TTF2: variants seen among roughly 807,000 people sequenced by gnomAD.
The protein encoded by TTF2 is transcription termination factor 2, also known as RNA polymerase II termination factor.
A neutral mutation model predicts 142.4 loss-of-function variants in TTF2; 108 were observed. The ratio of observed to expected loss-of-function variants is 0.76; its 90% CI spans 0.65 to 0.89. TTF2 has a LOEUF of 0.89. TTF2 is among the 40% of genes least tolerant of loss of function. The pLI is 0.00. For synonymous variants in TTF2, 483 were observed against 506.2 expected, an observed-to-expected ratio of 0.95 and a Z score of 0.61; for missense variants, 1,327 against 1,379.8, an observed-to-expected ratio of 0.96 and a Z score of 0.61.
chr1:117,083,669 T>C (rs76598378), intron 10 of TTF2, among the ~76,000 whole-genome samples: 2 of 152,320 alleles, frequency 1.3e-5, no homozygotes, highest in East Asian at 3.9e-4. Context: ...CCTGTACTTT[T>C]AGTGGAGAAA....
rs1246459752 is a variant in TTF2 at position 117,063,426 on chromosome 1, A to G, written c.218+953A>G. On this transcript the variant is annotated intron_variant, in intron 3 of 22. Transcript: ENST00000369466. The surrounding 1 kb of genome is among the most constrained non-coding windows in gnomAD (Gnocchi z 4.1). ...CCCATCTCCACCCCTGTCAGCAATC[A>G]CTGTTCTGATTTTTATCTCTTTAGA... Among the ~76,000 whole-genome samples the G allele has an allele frequency of 6.6e-6, 1 of 152,038 alleles. No homozygotes were observed. The highest frequency in any genetic ancestry group is 1.9e-4 in the East Asian group (1 of 5,192).
rs1656900645 is a variant in TTF2, at chr1:117,075,305, A to C, written c.721A>C (p.Ser241Arg). Reference protein sequence around the residue: ...RPSASSQEKSSGKSQDVQRES... With the variant: ...RPSASSQEKSRGKSQDVQRES... ...ATCTGCATCTTCTCAGGAGAAATCA[A>C]GTGGTAAGAGTCAAGATGTCCAAAG... The change falls in exon 5 of 23, where the codon AGT becomes CGT. Residue 241 changes from serine (S) to arginine (R), a missense_variant. Physicochemically the swap from Ser to Arg is moderately radical, Grantham distance 110. Coordinates refer to ENST00000369466, the MANE Select transcript of TTF2 (RefSeq NM_003594.4). The surrounding 1 kb of genome is among the most constrained non-coding windows in gnomAD (Gnocchi z 4.5). 1 of 1,614,224 alleles carries C rather than the reference A, an allele frequency of 6.2e-7. No individual in the cohort carries two copies. Among genetic ancestry groups the C allele is most frequent in the Non-Finnish European group, 8.5e-7 (1 of 1,180,032 alleles).
At chr1:117,069,726 A>G (rs115851124) in intron 3 of TTF2, among the ~76,000 whole-genome samples, 2 of 152,364 alleles carry the variant, frequency 1.3e-5, no homozygotes, top group Admixed American at 6.5e-5. Context: ...CCAAGGGAGA[A>G]TAGTTCTGGA....
At position 117,073,085 on chromosome 1, in the gene TTF2, C is replaced by T. The variant is rs1381858879; in HGVS notation, c.219-576C>T. Among the ~76,000 whole-genome samples, 1 of 152,070 alleles carries T rather than the reference C, an allele frequency of 6.6e-6. No individual in the cohort carries two copies. The highest frequency in any genetic ancestry group is 1.5e-5 in the Non-Finnish European group (1 of 67,972). On this transcript the variant is annotated intron_variant, in intron 3 of 22. Coordinates refer to ENST00000369466, the MANE Select transcript of TTF2 (RefSeq NM_003594.4). The surrounding 1 kb of genome is among the most constrained non-coding windows in gnomAD (Gnocchi z 4.4). Reference sequence around the variant, plus strand: ...TGAAGTTTTCCCTTCATCTTTTTTTCTCCCTCGTAACTTATTTGTGGAAGG... The same window carrying T: ...TGAAGTTTTCCCTTCATCTTTTTTTTTCCCTCGTAACTTATTTGTGGAAGG...
chr1:117,078,486 T>C (rs1381670881), intron 8 of TTF2, among the ~76,000 whole-genome samples: 1 of 152,240 alleles, frequency 6.6e-6, no homozygotes, highest in Non-Finnish European at 1.5e-5. Context: ...TCTGCCTACT[T>C]TGTGCCTTAA....
Position 117,099,037 on chromosome 1 carries a change from ATACCT to A in TTF2, c.3344+132_3344+136del. ...ACTTTACTGATGATGCCCCTGAGGC[ATACCT>A]TCAGGCAAACCACAGTCAGGAGAAA... On this transcript the variant is annotated intron_variant, in intron 22 of 22. Coordinates refer to ENST00000369466, the MANE Select transcript of TTF2 (RefSeq NM_003594.4). The surrounding 1 kb of genome is among the most constrained non-coding windows in gnomAD (Gnocchi z 4.3). The A allele has an allele frequency of 3.7e-6, 3 of 812,738 alleles. No homozygotes were observed. Among genetic ancestry groups the A allele is most frequent in the Non-Finnish European group, 5.4e-6 (3 of 550,618 alleles). 50.3% of individuals were successfully genotyped at this position (812,738 alleles called of 1,614,324 possible). A position where few individuals can be genotyped will look rare whatever the true frequency, so the allele number is the denominator to read the frequency against.
intron 17 of TTF2, 44 bp downstream of exon 17, chr1:117,091,994 G>T (rs1406708356): frequency 6.5e-7 from 1 of 1,545,850 alleles, no homozygotes; most frequent in South Asian, 1.2e-5. Flanking sequence ...GCTCCAGAGG[G>T]GCCACCTGAG....
chr1:117,094,549 A>G, intron 18 of TTF2: 1 of 466,824 alleles, frequency 2.1e-6, no homozygotes, highest in Non-Finnish European at 4.4e-6. Context: ...GGAAGCTTTA[A>G]CAATGGTTCC....
chr1:117,082,359 T>C (rs185182053), intron 10 of TTF2, among the ~76,000 whole-genome samples: 2 of 152,196 alleles, frequency 1.3e-5, no homozygotes, highest in African/African-American at 4.8e-5. Context: ...ACCACAAGTT[T>C]GCACCACCAC....
Position 117,076,643 on chromosome 1 carries a change from A to G in TTF2, c.1393A>G (p.Thr465Ala). The change falls in exon 7 of 23, where the codon ACT becomes GCT. Residue 465 changes from threonine to alanine, a missense_variant and splice_region_variant. Thr to Ala is a moderately conservative substitution (Grantham distance 58). Transcript: ENST00000369466. This position sits in a 1 kb window ranked among gnomAD's most constrained non-coding sequence, Gnocchi z 4.6. ...CTCTTCCCTTGTTTTCTGAGCAGGA[A>G]CTAATGAGAAGAGTAACAGTCAAGT... ...SGLTLSPEQG[T>A]NEKSNSQVPQ... 1 of 1,608,042 alleles carries G rather than the reference A, an allele frequency of 6.2e-7. No individual in the cohort carries two copies.
intron 10 of TTF2, 155 bp downstream of exon 10, chr1:117,082,102 A>ATATCATATCAT (rs763471493): frequency 1.2e-5 from 13 of 1,091,128 alleles, no homozygotes; most frequent in Non-Finnish European, 1.6e-5. Flanking sequence ...ATCATTTCTG[A>ATATCATATCAT]TGCTGAGTAT....
At position 117,075,629 on chromosome 1, in the gene TTF2, A is replaced by G. The variant is rs1270106442; in HGVS notation, c.1045A>G (p.Thr349Ala). The change falls in exon 5 of 23, where the codon ACA becomes GCA. Residue 349 changes from threonine to alanine, a missense_variant. Thr to Ala is a moderately conservative substitution (Grantham distance 58). Coordinates refer to ENST00000369466, the MANE Select transcript of TTF2 (RefSeq NM_003594.4). This position sits in a 1 kb window ranked among gnomAD's most constrained non-coding sequence, Gnocchi z 4.5. ...CCTGGGTGAGGGCCGTGAAGCTGCC[A>G]CAAGCAGTGACGACGAGGAGGAAGA... ...LSLGEGREAATSSDDEEEDDV... is the reference protein window; with the variant it reads ...LSLGEGREAAASSDDEEEDDV... 2.5e-6 allele frequency: 4 copies of G among 1,614,186 alleles called. No homozygotes were observed. The East Asian group carries it at 8.9e-5, about 36-fold the overall frequency.
chr1:117,061,323 G>A (rs1655672061), intron 2 of TTF2, among the ~76,000 whole-genome samples: 1 of 152,202 alleles, frequency 6.6e-6, no homozygotes, highest in South Asian at 2.1e-4. Context: ...GAAATGTTAA[G>A]CATCTTCTCT....
rs1657158420 is a variant in TTF2 at position 117,078,029 on chromosome 1, C to A, written c.1687C>A (p.Pro563Thr). Residue 563 changes from proline (P) to threonine (T), a missense_variant, in exon 8 of 23, where the codon CCC becomes ACC. Physicochemically the swap from Pro to Thr is conservative, Grantham distance 38. Coordinates refer to ENST00000369466, the MANE Select transcript of TTF2 (RefSeq NM_003594.4). Reference protein sequence around the residue: ...CPGETVVAEDPAGLKVPLLLH... With the variant: ...CPGETVVAEDTAGLKVPLLLH... The stretch of plus-strand genomic sequence containing the variant: ...TGGTGAGACGGTTGTGGCAGAAGAT[C>A]CCGCCGGGCTGAAGGTGAGCCAGGG... 2 of 1,613,786 alleles carry A rather than the reference C, an allele frequency of 1.2e-6. No individual in the cohort carries two copies. The highest frequency in any genetic ancestry group is 2.7e-5 in the African/African-American group (2 of 74,898).
intron 8 of TTF2, among the ~76,000 whole-genome samples, chr1:117,078,999 G>A (rs1238129984): frequency 6.6e-6 from 1 of 152,154 alleles, no homozygotes; most frequent in African/African-American, 2.4e-5. Context: ...CAGCACTTTC[G>A]GAGGCCGAGG....
At position 117,074,331 on chromosome 1, in the gene TTF2, A is replaced by G. The variant is rs141628324; in HGVS notation, c.286-539A>G. Among the ~76,000 whole-genome samples, 484 of 152,312 alleles carry G rather than the reference A, an allele frequency of 3.2e-3. 2 individuals are homozygous for G. Among genetic ancestry groups the G allele is most frequent in the Non-Finnish European group, 5.6e-3 (382 of 68,030 alleles). ...GAATAGTTTTTTTCCTGAAAAGTATACACTGTGGCCATTGTGATTGTAAAA... is the reference window on the plus strand; with the variant it reads ...GAATAGTTTTTTTCCTGAAAAGTATGCACTGTGGCCATTGTGATTGTAAAA... On this transcript the variant is annotated intron_variant, in intron 4 of 22. Transcript: ENST00000369466.
At chr1:117,061,377 C>A (rs1462552859) in intron 2 of TTF2, among the ~76,000 whole-genome samples, 1 of 152,244 alleles carries the variant, frequency 6.6e-6, no homozygotes, top group East Asian at 1.9e-4. Context: ...AATGTTTTCA[C>A]AGTACCAAGT....
rs1648167984 is a variant in TTF2, at chr1:117,087,882, G to A, written c.2161-919G>A. Among the ~76,000 whole-genome samples the A allele has an allele frequency of 6.6e-6, 1 of 152,194 alleles. No homozygotes were observed. The highest frequency in any genetic ancestry group is 1.5e-5 in the Non-Finnish European group (1 of 68,040). ...CTGCCAGCACCTTGTGCTTACATAAGTTATAGCACTTTGTTTCTTCAGCAG... is the reference window on the plus strand; with the variant it reads ...CTGCCAGCACCTTGTGCTTACATAAATTATAGCACTTTGTTTCTTCAGCAG... On this transcript the variant is annotated intron_variant, in intron 12 of 22. Transcript: ENST00000369466. The surrounding 1 kb of genome is among the most constrained non-coding windows in gnomAD (Gnocchi z 4.8).
rs1188544459 is a variant in TTF2 at position 117,097,228 on chromosome 1, C to T, written c.3187-123C>T. The T allele has an allele frequency of 1.3e-6, 1 of 799,938 alleles. No individual in the cohort carries two copies. The highest frequency in any genetic ancestry group is 2.1e-6 in the Non-Finnish European group (1 of 485,278). 49.6% of individuals were successfully genotyped at this position (799,938 alleles called of 1,614,324 possible). Reference sequence around the variant, plus strand: ...TGTTAAAAAAAAAAACAATTTATAACAGCAGAAGGAAATTTGATAGGAACA... The same window carrying T: ...TGTTAAAAAAAAAAACAATTTATAATAGCAGAAGGAAATTTGATAGGAACA... On this transcript the variant is annotated intron_variant, in intron 20 of 22. Transcript: ENST00000369466. This position sits in a 1 kb window ranked among gnomAD's most constrained non-coding sequence, Gnocchi z 4.1.
Sources: allele counts gnomAD v4.1 joint callset (sites outside exome capture counted in the v4.1 genomes callset), GRCh38; gene constraint gnomAD v4.1.1; non-coding constraint Gnocchi (gnomAD v3.1); transcripts MANE v1.5; gene names NCBI Gene and HGNC (gene_info 2026-07-23, HGNC 2026-07-21).